The following TFPI variants were observed in gnomAD, a reference collection of about 807,000 sequenced individuals.
TFPI encodes anti-convertin.
TFPI carries 15 observed loss-of-function variants against 34.6 expected under a neutral mutation model. That is an observed-to-expected ratio of 0.43 (90% confidence interval 0.29 to 0.67). The LOEUF (loss-of-function observed/expected upper bound fraction) is 0.67, where lower values mean the gene tolerates loss of function less well. Ranked by LOEUF, TFPI falls within the 30% of genes least tolerant of loss-of-function variation. The pLI is 0.15. For synonymous variants in TFPI, 105 were observed against 120.1 expected (o/e 0.87, Z 0.82); for missense variants, 301 against 364.0 (o/e 0.83, Z 1.41).
At chr2:187,549,977 C>T (rs900244518) in intron 1 of TFPI, among the ~76,000 whole-genome samples, 1 of 151,982 alleles carries the variant, frequency 6.6e-6, no homozygotes, top group African/African-American at 2.4e-5. Flanking sequence ...CACATTTGTA[C>T]ATTTGTTCCA....
intron 1 of TFPI, among the ~76,000 whole-genome samples, chr2:187,549,046 C>A (rs535802281): frequency 2.5e-4 from 38 of 152,152 alleles, no homozygotes; most frequent in African/African-American, 8.7e-4. Context: ...TTAATGTGTA[C>A]AGATTTCCTT....
intron 1 of TFPI, chr2:187,529,397 G>A (rs1687844538): frequency 6.6e-6 from 1 of 152,330 alleles, no homozygotes. Context: ...AGATCAAGGT[G>A]CTGGTCCAAT....
At chr2:187,474,377 T>A (rs1692236824) in intron 6 of TFPI, among the ~76,000 whole-genome samples, 3 of 152,116 alleles carry the variant, frequency 2.0e-5, no homozygotes, top group East Asian at 3.9e-4. Flanking sequence ...CTCCAGGCTA[T>A]CTGGAGAACA....
chr2:187,503,818 C>T (rs370992149), intron 1 of TFPI, 48 bp from the exon 2 acceptor site: 110 of 1,592,800 alleles, frequency 6.9e-5, no homozygotes, highest in Non-Finnish European at 9.0e-5. Context: ...TGTTAATATG[C>T]ACTCATTTAC....
At chr2:187,514,346 A>C (rs1271666620) in intron 1 of TFPI, 1 of 152,224 alleles carries the variant, frequency 6.6e-6, no homozygotes, top group East Asian at 1.9e-4. Context: ...CCTCCAGTCA[A>C]CCAGGCATGG....
At chr2:187,510,596 C>T (rs1215814935) in intron 1 of TFPI, among the ~76,000 whole-genome samples, 1 of 152,200 alleles carries the variant, frequency 6.6e-6, no homozygotes, top group Admixed American at 6.5e-5. Context: ...GCAGGCAGCC[C>T]GGCGCTGTGC....
At chr2:187,516,261 G>C (rs1686998744) in intron 1 of TFPI, 1 of 152,108 alleles carries the variant, frequency 6.6e-6, no homozygotes, top group African/African-American at 2.4e-5. Context: ...AATGATCAAG[G>C]GCAAGTAGTT....
chr2:187,481,117 CTACT>C (rs1274738590), intron 6 of TFPI, among the ~76,000 whole-genome samples: 25 of 151,850 alleles, frequency 1.6e-4, no homozygotes, highest in Non-Finnish European at 3.5e-4. Flanking sequence ...TTCAAATACT[CTACT>C]TAAAGATTGT....
At position 187,503,118 on chromosome 2, in the gene TFPI, C is replaced by G. The variant is rs8176416; in HGVS notation, c.121+530G>C. Among the ~76,000 whole-genome samples, 264 of 151,996 alleles carry G rather than the reference C, an allele frequency of 1.7e-3. 2 individuals are homozygous for G. The highest frequency in any genetic ancestry group is 6.1e-3 in the African/African-American group (253 of 41,500). On this transcript the variant is annotated intron_variant, in intron 2 of 7. Transcript: ENST00000233156. ...TTGTTAATATTCTCATTTTTAGACACAGAGTTTTATGGGATTAGATCTAAC... is the reference window on the plus strand; with the variant it reads ...TTGTTAATATTCTCATTTTTAGACAGAGAGTTTTATGGGATTAGATCTAAC...
chr2:187,485,811 T>C (rs1317152878), intron 4 of TFPI, among the ~76,000 whole-genome samples: 1 of 151,722 alleles, frequency 6.6e-6, no homozygotes, highest in East Asian at 1.9e-4. Flanking sequence ...CACAGGCGTA[T>C]TGGGCTTGAA....
intron 7 of TFPI, 45 bp downstream of exon 7, chr2:187,467,708 C>T (rs1691793619): frequency 7.1e-7 from 1 of 1,407,916 alleles, no homozygotes; most frequent in Non-Finnish European, 9.4e-7. Context: ...AATTCAATTG[C>T]TATCTTAAAC....
intron 2 of TFPI, among the ~76,000 whole-genome samples, chr2:187,499,898 A>C (rs965225343): frequency 6.6e-6 from 1 of 152,166 alleles, no homozygotes; most frequent in Non-Finnish European, 1.5e-5. Context: ...TTGAATAAAG[A>C]TCTGTATCTG....
chr2:187,469,584 A>C (rs1053928366), intron 6 of TFPI, among the ~76,000 whole-genome samples: 1 of 152,166 alleles, frequency 6.6e-6, no homozygotes, highest in Non-Finnish European at 1.5e-5. Flanking sequence ...ATCTTCTCAC[A>C]GTTACATTTT....
chr2:187,546,994 T>A (rs1688903143), intron 1 of TFPI: 1 of 152,238 alleles, frequency 6.6e-6, no homozygotes. Context: ...TTAAAAATTT[T>A]TAAGGATTAA....
At chr2:187,534,016 A>G (rs1688112726) in intron 1 of TFPI, among the ~76,000 whole-genome samples, 1 of 151,992 alleles carries the variant, frequency 6.6e-6, no homozygotes, top group Non-Finnish European at 1.5e-5. Context: ...AAGATTAGAG[A>G]AAAAAAAGAA....
chr2:187,495,946 AC>A (rs945339719), intron 3 of TFPI, among the ~76,000 whole-genome samples: 14 of 152,092 alleles, frequency 9.2e-5, no homozygotes, highest in South Asian at 4.1e-4. Flanking sequence ...TAAAAAAAAA[AC>A]ATTCAAAATT....
intron 1 of TFPI, chr2:187,516,442 C>T (rs1687008580): frequency 6.6e-6 from 1 of 152,122 alleles, no homozygotes; most frequent in South Asian, 2.1e-4. Context: ...CCCTTGTTTG[C>T]TACCTGTACT....
Position 187,494,770 on chromosome 2 carries a change from T to C in TFPI, c.319+2111A>G, listed in dbSNP as rs62172398. 7.3e-3 allele frequency among the ~76,000 whole-genome samples: 1,110 copies of C among 152,304 alleles called. 7 individuals are homozygous for C. Among genetic ancestry groups the C allele is most frequent in the Non-Finnish European group, 0.012 (820 of 68,030 alleles). On this transcript the variant is annotated intron_variant, in intron 3 of 7. Coordinates refer to ENST00000233156, the MANE Select transcript of TFPI (RefSeq NM_006287.6). ...ATGGAGTCTTCCTCTGTTGCACAGC[T>C]AGAGTGCAGTGGTGCAATCTTGGCT...
chr2:187,545,484 G>A (rs527447604), intron 1 of TFPI, among the ~76,000 whole-genome samples: 66 of 152,172 alleles, frequency 4.3e-4, no homozygotes, highest in African/African-American at 1.5e-3. Context: ...TGAAGCTCAG[G>A]AAATTGATTT....
Sources: allele counts gnomAD v4.1 joint callset (sites outside exome capture counted in the v4.1 genomes callset), GRCh38; gene constraint gnomAD v4.1.1; transcripts MANE v1.5; gene names NCBI Gene and HGNC (gene_info 2026-07-23, HGNC 2026-07-21).